FIRRM: variants seen among roughly 807,000 people sequenced by gnomAD.
The protein encoded by FIRRM is FIGNL1-interacting regulator of recombination and mitosis.
the FIRRM span, chr1:169,792,681 T>G: frequency 6.2e-7 from 1 of 1,613,526 alleles, no homozygotes; most frequent in Middle Eastern, 1.7e-4. Context: ...TCTACAAACT[T>G]CTGAAAGAGA....
chr1:169,795,721 C>A, the FIRRM span: 1 of 985,434 alleles, frequency 1.0e-6, no homozygotes, highest in Middle Eastern at 5.2e-4. Flanking sequence ...GGTGTGAAAT[C>A]TTTAAAAGAT....
the FIRRM span, chr1:169,827,571 G>A: frequency 1.1e-6 from 1 of 876,716 alleles, no homozygotes; most frequent in Non-Finnish European, 1.8e-6. Flanking sequence ...CCAGACGGTG[G>A]AGGTTGCAGT....
At chr1:169,801,445 C>CAA in the FIRRM span, among the ~76,000 whole-genome samples, 1,682 of 60,656 alleles carry the variant, frequency 0.028, 75 homozygotes, top group African/African-American at 0.056. Flanking sequence ...TGCTCCGTCT[C>CAA]AAAAAAAAAA....
chr1:169,836,889 T>C, the FIRRM span: 20 of 1,526,096 alleles, frequency 1.3e-5, no homozygotes, highest in Admixed American at 1.9e-5. Flanking sequence ...CTCTGACTTG[T>C]CTCATGTTAC....
chr1:169,808,460 C>T, the FIRRM span, among the ~76,000 whole-genome samples: 19 of 151,966 alleles, frequency 1.3e-4, no homozygotes, highest in Middle Eastern at 3.4e-3. Context: ...ATTTGTAGTA[C>T]GATTATTGGG....
chr1:169,795,814 A>G, the FIRRM span: 110 of 981,544 alleles, frequency 1.1e-4, no homozygotes, highest in Non-Finnish European at 1.2e-4. Flanking sequence ...ACAAGTTCTC[A>G]CTCCTCTCAC....
chr1:169,845,524 A>G, the FIRRM span, among the ~76,000 whole-genome samples: 2 of 152,232 alleles, frequency 1.3e-5, no homozygotes, highest in Non-Finnish European at 1.5e-5. Context: ...TTTCAAAATT[A>G]GAGTCAATCT....
the FIRRM span, chr1:169,827,093 A>G: frequency 6.2e-7 from 1 of 1,613,744 alleles, no homozygotes; most frequent in Non-Finnish European, 8.5e-7. Context: ...TTTCTAAAGC[A>G]CACCAAGAGG....
chr1:169,847,901 T>A, the FIRRM span: 1 of 746,110 alleles, frequency 1.3e-6, no homozygotes, highest in Non-Finnish European at 2.2e-6. Context: ...ATTTTGCAAT[T>A]ACTGACAAAG....
At chr1:169,814,196 T>C in the FIRRM span, among the ~76,000 whole-genome samples, 1 of 152,216 alleles carries the variant, frequency 6.6e-6, no homozygotes, top group Non-Finnish European at 1.5e-5. Flanking sequence ...TTGTCATTTA[T>C]TACCATAAAA....
At chr1:169,788,767 G>A in the FIRRM span, among the ~76,000 whole-genome samples, 1 of 152,154 alleles carries the variant, frequency 6.6e-6, no homozygotes, top group Non-Finnish European at 1.5e-5. Context: ...TCTGTGAGGG[G>A]TAAAATGCCC....
At chr1:169,846,506 A>T in the FIRRM span, among the ~76,000 whole-genome samples, 4 of 152,164 alleles carry the variant, frequency 2.6e-5, no homozygotes, top group South Asian at 2.1e-4. Flanking sequence ...GTTTAATGCA[A>T]CCACTTCCAT....
chr1:169,785,655 T>C, the FIRRM span, among the ~76,000 whole-genome samples: 1 of 152,138 alleles, frequency 6.6e-6, no homozygotes, highest in Admixed American at 6.5e-5. Flanking sequence ...TGTCTCTCTC[T>C]GGAGCCTGGA....
chr1:169,831,952 T>C, the FIRRM span, among the ~76,000 whole-genome samples: 12 of 152,168 alleles, frequency 7.9e-5, no homozygotes, highest in Non-Finnish European at 7.4e-5. Flanking sequence ...GATATGGAGT[T>C]CTTGCTGTGT....
chr1:169,851,737 A>C, the FIRRM span: 2 of 1,536,978 alleles, frequency 1.3e-6, no homozygotes, highest in Non-Finnish European at 1.8e-6. Context: ...AACACTCAGC[A>C]CTTAAATTAT....
At chr1:169,824,861 T>C in the FIRRM span, among the ~76,000 whole-genome samples, 2 of 152,236 alleles carry the variant, frequency 1.3e-5, no homozygotes, top group Admixed American at 1.3e-4. Flanking sequence ...TCATTTAGTC[T>C]CAAGACTTTA....
the FIRRM span, among the ~76,000 whole-genome samples, chr1:169,791,951 C>T: frequency 2.0e-5 from 3 of 152,162 alleles, no homozygotes; most frequent in African/African-American, 7.2e-5. Context: ...ATTCTCCTTT[C>T]TTATTCTTTT....
the FIRRM span, among the ~76,000 whole-genome samples, chr1:169,826,435 T>A: frequency 6.7e-6 from 1 of 148,150 alleles, no homozygotes; most frequent in African/African-American, 2.5e-5. Flanking sequence ...CAGTCTTGGC[T>A]CACAGCAACC....
At chr1:169,837,487 C>G in the FIRRM span, among the ~76,000 whole-genome samples, 4,071 of 152,140 alleles carry the variant, frequency 0.027, 206 homozygotes, top group East Asian at 0.22. Flanking sequence ...CCTTTATGTA[C>G]CTTTTACATA....
Sources: allele counts gnomAD v4.1 joint callset (sites outside exome capture counted in the v4.1 genomes callset), GRCh38; gene constraint gnomAD v4.1.1; transcripts MANE v1.5; gene names NCBI Gene and HGNC (gene_info 2026-07-23, HGNC 2026-07-21).